PCDHA1: variants seen among roughly 807,000 people sequenced by gnomAD.
PCDHA1 encodes protocadherin alpha 1.
PCDHA1 carries 42 observed loss-of-function variants against 61.3 expected under a neutral mutation model. That is an observed-to-expected ratio of 0.69 (90% CI 0.54 to 0.89). The LOEUF is 0.89. Ranked by LOEUF, PCDHA1 falls within the 40% of genes least tolerant of loss-of-function variation. The probability of loss-of-function intolerance (pLI) is 0.00; values close to 1 mark genes in which losing one functional copy is unlikely to be tolerated. For synonymous variants in PCDHA1, 610 were observed against 553.8 expected (o/e 1.10, Z -1.43); for missense variants, 1,256 against 1,235.3 (o/e 1.02, Z -0.25).
chr5:140,928,501 G>A, intron 1 of PCDHA1: 1 of 1,614,184 alleles, frequency 6.2e-7, no homozygotes. Flanking sequence ...TCCCAGAAGT[G>A]CAACAGTGAC....
At chr5:140,821,044 G>A (rs2150108572) in intron 1 of PCDHA1, among the ~76,000 whole-genome samples, 54 of 151,848 alleles carry the variant, frequency 3.6e-4, no homozygotes, top group Non-Finnish European at 6.5e-4. Flanking sequence ...AAGAAACTCA[G>A]GTAAGAATGC....
At chr5:141,002,557 CAGTT>C (rs2098085452) in intron 3 of PCDHA1, among the ~76,000 whole-genome samples, 1 of 152,180 alleles carries the variant, frequency 6.6e-6, no homozygotes, top group South Asian at 2.1e-4. Flanking sequence ...CAGGATCCAC[CAGTT>C]AGTGACCATG....
At chr5:140,883,303 T>C in intron 1 of PCDHA1, 3 of 1,614,096 alleles carry the variant, frequency 1.9e-6, no homozygotes, top group Non-Finnish European at 2.5e-6. Flanking sequence ...ATGTAAATGA[T>C]AACGCCCCAG....
intron 1 of PCDHA1, chr5:140,860,225 A>ATATATATATGT (rs2046281831): frequency 6.6e-6 from 1 of 151,528 alleles, no homozygotes; most frequent in Non-Finnish European, 1.5e-5. Context: ...ATGTATATAT[A>ATATATATATGT]AGCCAGGCAT....
chr5:140,884,590 C>T, intron 1 of PCDHA1: 1 of 1,614,182 alleles, frequency 6.2e-7, no homozygotes, highest in Non-Finnish European at 8.5e-7. Flanking sequence ...CCTTCAGTCC[C>T]AGCCTTCCTC....
At chr5:140,880,688 A>T (rs1033069078) in intron 1 of PCDHA1, among the ~76,000 whole-genome samples, 2 of 152,224 alleles carry the variant, frequency 1.3e-5, no homozygotes, top group East Asian at 3.8e-4. Flanking sequence ...GAGAATAGTC[A>T]TGGTTAAGTG....
intron 1 of PCDHA1, chr5:140,928,138 A>G (rs1554205540): frequency 1.9e-6 from 3 of 1,614,190 alleles, no homozygotes; most frequent in South Asian, 1.1e-5. Context: ...AGTCCTGATC[A>G]CGGCCTCAGA....
chr5:140,916,733 A>G (rs1242424937), intron 1 of PCDHA1, among the ~76,000 whole-genome samples: 1 of 152,146 alleles, frequency 6.6e-6, no homozygotes, highest in Non-Finnish European at 1.5e-5. Flanking sequence ...TTGTTGCTGC[A>G]AGCTTCACTG....
intron 1 of PCDHA1, chr5:140,849,645 C>A: frequency 6.3e-7 from 1 of 1,598,746 alleles, no homozygotes; most frequent in Non-Finnish European, 8.6e-7. Flanking sequence ...TGCCAACGGG[C>A]AGGTTACCTG....
At chr5:140,940,599 C>T (rs1356432549) in intron 1 of PCDHA1, among the ~76,000 whole-genome samples, 2 of 151,918 alleles carry the variant, frequency 1.3e-5, no homozygotes, top group African/African-American at 4.8e-5. Context: ...AGGCATGAGC[C>T]GCTGCTCCTG....
chr5:140,916,732 C>A (rs2077701110), intron 1 of PCDHA1, among the ~76,000 whole-genome samples: 1 of 152,178 alleles, frequency 6.6e-6, no homozygotes, highest in South Asian at 2.1e-4. Flanking sequence ...TTTGTTGCTG[C>A]AAGCTTCACT....
chr5:141,007,174 G>T (rs926344346), intron 3 of PCDHA1, among the ~76,000 whole-genome samples: 9 of 152,118 alleles, frequency 5.9e-5, no homozygotes, highest in African/African-American at 2.2e-4. Context: ...AGAGAGAAAG[G>T]TCAGGAGAAT....
intron 1 of PCDHA1, among the ~76,000 whole-genome samples, chr5:140,923,122 C>T (rs1405376878): frequency 6.6e-6 from 1 of 152,130 alleles, no homozygotes; most frequent in Non-Finnish European, 1.5e-5. Context: ...TTTTTAGGGT[C>T]ACACTTTGAA....
At chr5:140,920,851 A>C (rs1370021063) in intron 1 of PCDHA1, among the ~76,000 whole-genome samples, 1 of 152,008 alleles carries the variant, frequency 6.6e-6, no homozygotes, top group Non-Finnish European at 1.5e-5. Flanking sequence ...TAAAAAAAAA[A>C]AAAAAAACAA....
At chr5:140,805,078 C>A in intron 1 of PCDHA1, 1 of 1,593,568 alleles carries the variant, frequency 6.3e-7, no homozygotes, top group Non-Finnish European at 8.5e-7. Flanking sequence ...CTTCAATCTT[C>A]AAATCCAGCT....
At chr5:140,995,819 C>T (rs1045622508) in intron 3 of PCDHA1, among the ~76,000 whole-genome samples, 1 of 152,088 alleles carries the variant, frequency 6.6e-6, no homozygotes, top group African/African-American at 2.4e-5. Flanking sequence ...AGGGAGATAG[C>T]CTGGCATTGC....
chr5:140,815,640 G>GT (rs1765772207), intron 1 of PCDHA1: 1 of 151,888 alleles, frequency 6.6e-6, no homozygotes, highest in Non-Finnish European at 1.5e-5. Context: ...ATAGTATTCT[G>GT]TTTTTATCTA....
chr5:140,869,318 G>A (rs1373742506), intron 1 of PCDHA1: 1 of 1,613,688 alleles, frequency 6.2e-7, no homozygotes, highest in South Asian at 1.1e-5. Flanking sequence ...AAAACACATG[G>A]GGACCTTCTG....
intron 1 of PCDHA1, among the ~76,000 whole-genome samples, chr5:140,906,204 C>A (rs2072457750): frequency 6.6e-6 from 1 of 152,192 alleles, no homozygotes. Context: ...AGTTGACACT[C>A]AGTATTAACC....
Sources: gnomAD v4.1 joint callset for allele counts (sites outside exome capture counted in the v4.1 genomes callset) on GRCh38, gnomAD v4.1.1 for gene constraint, MANE v1.5 for transcripts, NCBI Gene and HGNC (gene_info 2026-07-23, HGNC 2026-07-21) for gene names.